PDGFC: variants seen among roughly 807,000 people sequenced by gnomAD.
PDGFC encodes the protein platelet derived growth factor C.
Under a neutral mutation model 35.5 loss-of-function variants are expected in PDGFC, and 12 were observed. That is an observed-to-expected ratio of 0.34 (90% CI 0.22 to 0.55). The LOEUF (loss-of-function observed/expected upper bound fraction) is 0.55, where lower values mean the gene tolerates loss of function less well. Among genes scored for constraint, PDGFC ranks in the 20% least tolerant of loss-of-function variants. The probability of loss-of-function intolerance (pLI) is 0.91; values close to 1 mark genes in which losing one functional copy is unlikely to be tolerated. For synonymous variants in PDGFC, 159 were observed against 148.8 expected (o/e 1.07, Z -0.50); for missense variants, 322 against 412.4 (o/e 0.78, Z 1.90).
chr4:156,775,329 C>T (rs541073161), intron 3 of PDGFC, among the ~76,000 whole-genome samples: 118 of 151,922 alleles, frequency 7.8e-4, no homozygotes, highest in African/African-American at 2.8e-3. Flanking sequence ...ATTAAGGGGT[C>T]AATAATAGTC....
Position 156,835,619 on chromosome 4 carries a change from A to T in PDGFC, c.314+14602T>A, listed in dbSNP as rs555700223. On this transcript the variant is annotated intron_variant, in intron 2 of 5. Transcript: ENST00000502773. ...TAACCCAATCTCACTATATTTTAAG[A>T]ATAACCCAATCCCATTATATTTTAA... Among the ~76,000 whole-genome samples the T allele has an allele frequency of 2.1e-3, 314 of 152,304 alleles. 3 individuals are homozygous for T. The highest frequency in any genetic ancestry group is 7.4e-3 in the African/African-American group (309 of 41,574).
chr4:156,923,877 G>T, intron 1 of PDGFC, among the ~76,000 whole-genome samples: 1 of 152,210 alleles, frequency 6.6e-6, no homozygotes, highest in East Asian at 1.9e-4. Flanking sequence ...AGACAGAAAA[G>T]CAGTAAACAG....
chr4:156,814,912 T>C (rs1292718616), intron 2 of PDGFC, among the ~76,000 whole-genome samples: 1 of 152,170 alleles, frequency 6.6e-6, no homozygotes, highest in African/African-American at 2.4e-5. Context: ...TATTATTACT[T>C]ATTTCATGAA....
At chr4:156,836,913 C>A (rs1729076916) in intron 2 of PDGFC, among the ~76,000 whole-genome samples, 1 of 152,040 alleles carries the variant, frequency 6.6e-6, no homozygotes, top group African/African-American at 2.4e-5. Flanking sequence ...AAGTCAGAAT[C>A]TGCCTGTATT....
chr4:156,955,344 C>T (rs567792968), intron 1 of PDGFC, among the ~76,000 whole-genome samples: 1 of 151,754 alleles, frequency 6.6e-6, no homozygotes, highest in Non-Finnish European at 1.5e-5. Context: ...GGAAAGAAAA[C>T]AATTATATAT....
chr4:156,951,322 T>C (rs1732075370), intron 1 of PDGFC, among the ~76,000 whole-genome samples: 1 of 151,878 alleles, frequency 6.6e-6, no homozygotes, highest in Admixed American at 6.6e-5. Flanking sequence ...TGCAGGCAAA[T>C]AGTTTAAAGA....
intron 1 of PDGFC, among the ~76,000 whole-genome samples, chr4:156,911,415 T>A (rs1202246144): frequency 2.6e-5 from 4 of 152,070 alleles, no homozygotes; most frequent in African/African-American, 7.2e-5. Context: ...CCCTTCTCTT[T>A]CGAGAAGAAA....
chr4:156,762,341 A>T lies in PDGFC; in HGVS notation c.*749T>A, dbSNP rs918523444. On this transcript the variant is annotated 3_prime_UTR_variant, in exon 6 of 6. Transcript: ENST00000502773. ...ATATTTAACAAGATTAGAAAAGCCA[A>T]CAGTTATAATGTCAAAAGGAGAATA... 5.9e-5 allele frequency: 9 copies of T among 152,644 alleles called. No individual in the cohort carries two copies. The allele number at this position is 152,644 out of a possible 1,614,324, so 9.5% of individuals were successfully genotyped here.
chr4:156,929,994 T>G (rs1284342763), intron 1 of PDGFC, among the ~76,000 whole-genome samples: 3 of 152,154 alleles, frequency 2.0e-5, no homozygotes, highest in Non-Finnish European at 2.9e-5. Flanking sequence ...ACCAAATGGG[T>G]TGCCATTCAA....
At chr4:156,961,605 G>A (rs7680656) in intron 1 of PDGFC, among the ~76,000 whole-genome samples, 4,806 of 152,048 alleles carry the variant, frequency 0.032, 250 homozygotes, top group African/African-American at 0.11. Context: ...TTATATACAC[G>A]GGACCCGAAT....
intron 3 of PDGFC, among the ~76,000 whole-genome samples, chr4:156,781,583 G>C (rs1333605077): frequency 6.6e-6 from 1 of 152,108 alleles, no homozygotes; most frequent in African/African-American, 2.4e-5. Context: ...CCTGCAACCT[G>C]CCATTCATCC....
chr4:156,789,046 G>A (rs1180762260), intron 3 of PDGFC, among the ~76,000 whole-genome samples: 2 of 152,098 alleles, frequency 1.3e-5, no homozygotes, highest in African/African-American at 2.4e-5. Flanking sequence ...TTTAGATCCT[G>A]GTATAATCCT....
intron 2 of PDGFC, among the ~76,000 whole-genome samples, chr4:156,816,871 T>C (rs1453104163): frequency 6.6e-6 from 1 of 152,342 alleles, no homozygotes; most frequent in East Asian, 1.9e-4. Context: ...ATTAGGGCCA[T>C]ACAGATAAAA....
chr4:156,897,983 G>A (rs1430733624), intron 1 of PDGFC, among the ~76,000 whole-genome samples: 1 of 152,154 alleles, frequency 6.6e-6, no homozygotes, highest in African/African-American at 2.4e-5. Context: ...GTAAGAAGAT[G>A]AACTGGAGTA....
At chr4:156,885,734 C>T (rs1034184347) in intron 1 of PDGFC, among the ~76,000 whole-genome samples, 2 of 151,940 alleles carry the variant, frequency 1.3e-5, no homozygotes, top group Non-Finnish European at 2.9e-5. Flanking sequence ...CTACAAAAAT[C>T]ACAAAAAATT....
intron 2 of PDGFC, among the ~76,000 whole-genome samples, chr4:156,827,278 G>T (rs939993528): frequency 6.6e-6 from 1 of 152,044 alleles, no homozygotes; most frequent in Non-Finnish European, 1.5e-5. Context: ...TTAGCCGGGT[G>T]TGGTGGCGGG....
At chr4:156,945,467 A>C (rs1454614886) in intron 1 of PDGFC, among the ~76,000 whole-genome samples, 4 of 149,372 alleles carry the variant, frequency 2.7e-5, no homozygotes, top group Non-Finnish European at 5.9e-5. Context: ...AAGATTTATA[A>C]GAAAAAAGGA....
In PDGFC at chr4:156,762,683, T is replaced by C. The variant is rs1730408461; in HGVS notation, c.*407A>G. The C allele has an allele frequency of 6.5e-6, 1 of 155,000 alleles. No individual in the cohort carries two copies. The highest frequency in any genetic ancestry group is 1.4e-5 in the Non-Finnish European group (1 of 70,272). The allele number at this position is 155,000 out of a possible 1,614,324, so 9.6% of individuals were successfully genotyped here. ...ATTTTAGGCCCAGGACATGGAGCTT[T>C]AGAGTTAAGCAAGGCAACGGAATCA... On this transcript the variant is annotated 3_prime_UTR_variant, in exon 6 of 6. Coordinates refer to ENST00000502773, the MANE Select transcript of PDGFC (RefSeq NM_016205.3).
At chr4:156,794,996 C>G (rs1226046261) in intron 3 of PDGFC, among the ~76,000 whole-genome samples, 1 of 152,156 alleles carries the variant, frequency 6.6e-6, no homozygotes, top group African/African-American at 2.4e-5. Context: ...ACCACTTCTC[C>G]TATGCATGTG....
Sources: allele counts gnomAD v4.1 joint callset (sites outside exome capture counted in the v4.1 genomes callset), GRCh38; gene constraint gnomAD v4.1.1; transcripts MANE v1.5; gene names NCBI Gene and HGNC (gene_info 2026-07-23, HGNC 2026-07-21).